Variants in DNAAF11 observed in about 807,000 individuals in gnomAD.
DNAAF11 encodes leucine rich repeat containing 6.
A neutral mutation model predicts 60.8 loss-of-function variants in DNAAF11; 45 were observed. The ratio of observed to expected loss-of-function variants is 0.74; its 90% confidence interval spans 0.58 to 0.95. The LOEUF is 0.95. DNAAF11 is among the 40% of genes least tolerant of loss of function. The pLI, the probability that DNAAF11 is intolerant of heterozygous loss-of-function variation, is 0.00. For missense variants in DNAAF11, 546 were observed against 546.2 expected, an observed-to-expected ratio of 1.00 and a Z score of 0.00; for synonymous variants, 191 against 183.5, an observed-to-expected ratio of 1.04 and a Z score of -0.33.
Position 132,639,440 on chromosome 8 carries a change from T to C in DNAAF11, c.257-1333A>G, listed in dbSNP as rs1393231424. Reference sequence around the variant, plus strand: ...CCTTCCATTATCATTTCTTATTATATACTTTTTTGTAATTTTTCTGTGGCT... The same window carrying C: ...CCTTCCATTATCATTTCTTATTATACACTTTTTTGTAATTTTTCTGTGGCT... On this transcript the variant is annotated intron_variant, in intron 3 of 11. Transcript: ENST00000620350. Among the ~76,000 whole-genome samples, 3 of 152,210 alleles carry C rather than the reference T, an allele frequency of 2.0e-5. No homozygotes were observed. The East Asian group carries it at 5.8e-4, about 29-fold the overall frequency.
Position 132,571,219 on chromosome 8 carries a change from C to T in DNAAF11, c.*1087G>A, listed in dbSNP as rs764789734. Among the ~76,000 whole-genome samples, 10 of 152,168 alleles carry T rather than the reference C, an allele frequency of 6.6e-5. No individual in the cohort carries two copies. The highest frequency in any genetic ancestry group is 1.5e-4 in the Non-Finnish European group (10 of 68,032). On this transcript the variant is annotated 3_prime_UTR_variant, in exon 12 of 12. Coordinates refer to ENST00000620350, the MANE Select transcript of DNAAF11 (RefSeq NM_012472.6). ...CTCTCCTTCACAGCTCTGAACACCA[C>T]CTGACATAGTCTGTGTGTATGTATT...
chr8:132,572,556 C>A, intron 11 of DNAAF11, 76 bp from the exon 12 acceptor site: 2 of 1,112,120 alleles, frequency 1.8e-6, no homozygotes, highest in Non-Finnish European at 2.6e-6. Context: ...ACTCACCCAT[C>A]CATTTATTCA....
chr8:132,595,429 A>G (rs1816910943), intron 10 of DNAAF11, among the ~76,000 whole-genome samples: 1 of 151,028 alleles, frequency 6.6e-6, no homozygotes, highest in Admixed American at 6.6e-5. Context: ...TCAGAAACAT[A>G]GGCAGAAACT....
intron 10 of DNAAF11, among the ~76,000 whole-genome samples, chr8:132,593,982 C>T (rs1472142343): frequency 6.6e-6 from 1 of 151,916 alleles, no homozygotes; most frequent in African/African-American, 2.4e-5. Context: ...CTAAAGATTT[C>T]ATAAATAGGA....
At chr8:132,620,463 T>C (rs73355176) in intron 7 of DNAAF11, among the ~76,000 whole-genome samples, 11,273 of 152,050 alleles carry the variant, frequency 0.074, 1,138 homozygotes, top group African/African-American at 0.23. Flanking sequence ...GCCTTCCGAG[T>C]GGCTGGGATT....
In DNAAF11 at chr8:132,664,323, G is replaced by T. The variant is rs187048747; in HGVS notation, c.11-2696C>A. Among the ~76,000 whole-genome samples the T allele has an allele frequency of 3.3e-5, 5 of 152,314 alleles. No homozygotes were observed. The East Asian group carries it at 9.7e-4, about 29-fold the overall frequency. On this transcript the variant is annotated intron_variant, in intron 1 of 11. Coordinates refer to ENST00000620350, the MANE Select transcript of DNAAF11 (RefSeq NM_012472.6). ...CATGTGGGACTTTCTGACTCTCAGG[G>T]CTGCTCAAGGTATCACAGGCGCCTC...
At chr8:132,690,086 A>G in the DNAAF11 span, among the ~76,000 whole-genome samples, 6 of 152,184 alleles carry the variant, frequency 3.9e-5, no homozygotes, top group Admixed American at 1.3e-4. Flanking sequence ...ATTAAATTTT[A>G]ATTTTTAGAT....
At chr8:132,635,745 T>G (rs1017261939) in intron 4 of DNAAF11, among the ~76,000 whole-genome samples, 6 of 152,152 alleles carry the variant, frequency 3.9e-5, no homozygotes, top group African/African-American at 1.4e-4. Flanking sequence ...GTAGCTCAAA[T>G]CAGGGACTTT....
intron 3 of DNAAF11, among the ~76,000 whole-genome samples, chr8:132,651,611 A>G (rs1435378442): frequency 2.6e-5 from 4 of 152,186 alleles, no homozygotes; most frequent in Non-Finnish European, 5.9e-5. Flanking sequence ...GCCAAGCTCA[A>G]AAAGACAATA....
the DNAAF11 span, among the ~76,000 whole-genome samples, chr8:132,688,095 A>T: frequency 6.6e-6 from 1 of 152,192 alleles, no homozygotes; most frequent in Non-Finnish European, 1.5e-5. Context: ...ATCTGGTTCA[A>T]ATGCTGCGAT....
At chr8:132,656,989 A>G (rs964851315) in intron 2 of DNAAF11, 82 bp from the exon 3 acceptor site, 8 of 533,836 alleles carry the variant, frequency 1.5e-5, no homozygotes, top group Admixed American at 3.9e-5. Flanking sequence ...AAAATAATAA[A>G]GAAAATCTAA....
chr8:132,675,021 G>A (rs1364546116), intron 1 of DNAAF11, among the ~76,000 whole-genome samples: 10 of 152,198 alleles, frequency 6.6e-5, no homozygotes, highest in Admixed American at 5.2e-4. Context: ...GGAAGAGGGA[G>A]GACTTCAACC....
intron 7 of DNAAF11, among the ~76,000 whole-genome samples, chr8:132,616,121 T>C (rs1057211595): frequency 6.6e-6 from 1 of 152,080 alleles, no homozygotes. Context: ...TGGCAGAGAT[T>C]GCTATTTAGT....
intron 4 of DNAAF11, among the ~76,000 whole-genome samples, chr8:132,633,975 T>C (rs951335366): frequency 3.9e-5 from 6 of 152,128 alleles, no homozygotes; most frequent in Non-Finnish European, 7.4e-5. Context: ...CATAAGGTGA[T>C]ACATTTGCAT....
chr8:132,660,530 G>A (rs1417796772), intron 2 of DNAAF11, among the ~76,000 whole-genome samples: 1 of 152,166 alleles, frequency 6.6e-6, no homozygotes, highest in African/African-American at 2.4e-5. Flanking sequence ...TCCGGGTGCT[G>A]GGGATTCTCC....
the DNAAF11 span, among the ~76,000 whole-genome samples, chr8:132,681,318 C>CTT: frequency 0.11 from 14,777 of 128,960 alleles, 944 homozygotes; most frequent in East Asian, 0.23. Flanking sequence ...CCAACCATTC[C>CTT]TTTTTTTTTT....
At chr8:132,595,088 AC>A (rs1202319177) in intron 10 of DNAAF11, among the ~76,000 whole-genome samples, 1 of 151,834 alleles carries the variant, frequency 6.6e-6, no homozygotes, top group Non-Finnish European at 1.5e-5. Flanking sequence ...AGTCAATTAA[AC>A]CTCTTTCCTT....
chr8:132,584,556 GAGA>G (rs1257250649), intron 10 of DNAAF11, among the ~76,000 whole-genome samples: 4 of 152,116 alleles, frequency 2.6e-5, no homozygotes, highest in Admixed American at 2.0e-4. Flanking sequence ...TTGCTAGCAG[GAGA>G]AGTTTAAAAA....
chr8:132,578,519 G>T lies in DNAAF11; in HGVS notation c.1226+5175C>A, dbSNP rs552799366. The T allele has an allele frequency of 2.0e-6, 3 of 1,511,954 alleles. No individual in the cohort carries two copies. The South Asian group carries it at 3.6e-5, about 18-fold the overall frequency. 93.7% of individuals were successfully genotyped at this position (1,511,954 alleles called of 1,614,324 possible). A position where few individuals can be genotyped will look rare whatever the true frequency, so the allele number is the denominator to read the frequency against. ...ACCTCTAGAATCCAGTAGAATAGCT[G>T]GAAGACAAAATCAACAGATTTAACA... On this transcript the variant is annotated intron_variant, in intron 11 of 11. Coordinates refer to ENST00000620350, the MANE Select transcript of DNAAF11 (RefSeq NM_012472.6).
Sources: allele counts gnomAD v4.1 joint callset (sites outside exome capture counted in the v4.1 genomes callset), GRCh38; gene constraint gnomAD v4.1.1; transcripts MANE v1.5; gene names NCBI Gene and HGNC (gene_info 2026-07-23, HGNC 2026-07-21).